NBEA: variants seen among roughly 807,000 people sequenced by gnomAD.
NBEA encodes the protein lysosomal-trafficking regulator 2.
In NBEA, 44 loss-of-function variants were observed where a neutral mutation model predicts 343.4. The ratio of observed to expected loss-of-function variants is 0.13; its 90% CI spans 0.10 to 0.16. The LOEUF (loss-of-function observed/expected upper bound fraction) is 0.16, where lower values mean the gene tolerates loss of function less well. Ranked by LOEUF, NBEA falls within the 10% of genes least tolerant of loss-of-function variation. NBEA has a pLI of 1.00. For missense variants in NBEA, 2,555 were observed against 3,631.3 expected, an observed-to-expected ratio of 0.70 and a Z score of 7.62; for synonymous variants, 1,175 against 1,238.7, an observed-to-expected ratio of 0.95 and a Z score of 1.08.
At chr13:35,350,464 TAAC>T (rs2040130799) in intron 37 of NBEA, among the ~76,000 whole-genome samples, 1 of 152,012 alleles carries the variant, frequency 6.6e-6, no homozygotes, top group African/African-American at 2.4e-5. Flanking sequence ...TGTACTGAAA[TAAC>T]AATATTTTTA....
intron 48 of NBEA, among the ~76,000 whole-genome samples, chr13:35,622,430 G>C (rs2083033761): frequency 6.6e-6 from 1 of 152,164 alleles, no homozygotes; most frequent in Non-Finnish European, 1.5e-5. Flanking sequence ...GGATTCAGAA[G>C]AAGTTTGAAG....
At chr13:35,038,152 T>A (rs1443010207) in intron 1 of NBEA, among the ~76,000 whole-genome samples, 1 of 152,052 alleles carries the variant, frequency 6.6e-6, no homozygotes, top group African/African-American at 2.4e-5. Flanking sequence ...CCACTGCCAC[T>A]CCTGGCCATG....
intron 30 of NBEA, among the ~76,000 whole-genome samples, chr13:35,193,475 G>A (rs1004632682): frequency 2.6e-5 from 4 of 151,660 alleles, no homozygotes; most frequent in Non-Finnish European, 4.4e-5. Context: ...AGTTAGTGAC[G>A]TATTACCACT....
chr13:35,590,729 C>A (rs1593306987), intron 46 of NBEA, among the ~76,000 whole-genome samples: 2 of 152,034 alleles, frequency 1.3e-5, no homozygotes, highest in Non-Finnish European at 2.9e-5. Flanking sequence ...TAATCTCTGC[C>A]CACTACCTAC....
chr13:35,595,198 A>C (rs927934564), intron 47 of NBEA, among the ~76,000 whole-genome samples: 2 of 152,084 alleles, frequency 1.3e-5, no homozygotes, highest in Non-Finnish European at 2.9e-5. Context: ...ACCCTTTCAG[A>C]AACATTTACA....
intron 38 of NBEA, among the ~76,000 whole-genome samples, chr13:35,420,638 G>A (rs1029353133): frequency 6.6e-6 from 1 of 151,856 alleles, no homozygotes; most frequent in African/African-American, 2.4e-5. Context: ...AACTATCTAG[G>A]CCTGGAGATT....
intron 38 of NBEA, among the ~76,000 whole-genome samples, chr13:35,419,447 A>G (rs1252112568): frequency 6.6e-6 from 1 of 152,058 alleles, no homozygotes; most frequent in South Asian, 2.1e-4. Flanking sequence ...CCAGCACATC[A>G]TACCATCACC....
intron 38 of NBEA, among the ~76,000 whole-genome samples, chr13:35,396,915 A>G (rs1401640125): frequency 6.6e-6 from 1 of 151,998 alleles, no homozygotes; most frequent in African/African-American, 2.4e-5. Flanking sequence ...TGTTGGCTCT[A>G]TCAGTGAAAG....
chr13:35,606,936 C>T (rs2082303847), intron 48 of NBEA, among the ~76,000 whole-genome samples: 1 of 152,046 alleles, frequency 6.6e-6, no homozygotes, highest in Admixed American at 6.6e-5. Flanking sequence ...ACGCTTTTTT[C>T]ACTTATAAAA....
chr13:35,125,417 A>G (rs564013274), intron 17 of NBEA, among the ~76,000 whole-genome samples: 1 of 152,236 alleles, frequency 6.6e-6, no homozygotes. Flanking sequence ...GTTTGAAATA[A>G]TAGATATACA....
chr13:34,985,932 C>G (rs752263554), intron 1 of NBEA, among the ~76,000 whole-genome samples: 2 of 150,262 alleles, frequency 1.3e-5, no homozygotes, highest in Non-Finnish European at 3.0e-5. Context: ...CTCTTTTCTT[C>G]TTTATTAGTC....
intron 38 of NBEA, among the ~76,000 whole-genome samples, chr13:35,373,021 C>T (rs2041530863): frequency 1.3e-5 from 2 of 152,116 alleles, no homozygotes. Flanking sequence ...TTATCAGAGC[C>T]TCCAAGGGCC....
intron 1 of NBEA, among the ~76,000 whole-genome samples, chr13:35,005,585 A>G (rs1434255913): frequency 2.6e-5 from 4 of 152,176 alleles, no homozygotes; most frequent in East Asian, 3.9e-4. Flanking sequence ...TCTTGACCCA[A>G]TGGAGATTGA....
intron 35 of NBEA, among the ~76,000 whole-genome samples, chr13:35,296,111 C>G (rs191401563): frequency 6.6e-6 from 1 of 151,988 alleles, no homozygotes; most frequent in African/African-American, 2.4e-5. Flanking sequence ...ATAAACTAAG[C>G]CTGATCGCGG....
At chr13:34,998,593 G>T (rs1016533006) in intron 1 of NBEA, among the ~76,000 whole-genome samples, 3 of 152,150 alleles carry the variant, frequency 2.0e-5, no homozygotes, top group Non-Finnish European at 4.4e-5. Context: ...CTGAGAAAAA[G>T]AATTCAGTGA....
intron 47 of NBEA, among the ~76,000 whole-genome samples, chr13:35,597,460 C>T (rs1415720173): frequency 6.6e-6 from 1 of 152,168 alleles, no homozygotes; most frequent in Admixed American, 6.5e-5. Context: ...TTATCTTAAG[C>T]ATGCAATCTA....
At position 35,489,700 on chromosome 13, in the gene NBEA, TTA is replaced by T. The variant is rs1168543593; in HGVS notation, c.6585+17166_6585+17167del. The stretch of plus-strand genomic sequence containing the variant: ...AGAAGAATGCCAGTTCTTCAACATT[TTA>T]TGTTTTTGTTTAAATCTCAAAATGT... On this transcript the variant is annotated intron_variant, in intron 41 of 58. Transcript: ENST00000379939. Among the ~76,000 whole-genome samples the T allele has an allele frequency of 4.6e-5, 7 of 152,000 alleles. No homozygotes were observed. In the East Asian group the frequency reaches 9.7e-4, roughly 21 times the overall value.
At chr13:35,280,944 A>G (rs1386519406) in intron 34 of NBEA, among the ~76,000 whole-genome samples, 4 of 152,042 alleles carry the variant, frequency 2.6e-5, no homozygotes, top group African/African-American at 9.7e-5. Flanking sequence ...TTACACTAGA[A>G]GTGTTTTTTT....
chr13:35,319,080 G>T (rs1173431012), intron 36 of NBEA, among the ~76,000 whole-genome samples: 1 of 151,924 alleles, frequency 6.6e-6, no homozygotes, highest in African/African-American at 2.4e-5. Flanking sequence ...TTTTTGAAGG[G>T]TTTTTTGTGT....
Sources: gnomAD v4.1 joint callset for allele counts (sites outside exome capture counted in the v4.1 genomes callset) on GRCh38, gnomAD v4.1.1 for gene constraint, MANE v1.5 for transcripts, NCBI Gene and HGNC (gene_info 2026-07-23, HGNC 2026-07-21) for gene names.